The following LAMC2 variants were observed in gnomAD, a reference collection of about 807,000 sequenced individuals.
The protein encoded by LAMC2 is laminin subunit gamma 2, also known as laminin subunit gamma-2.
Under a neutral mutation model 140.2 loss-of-function variants are expected in LAMC2, and 97 were observed. The observed-to-expected ratio is 0.69, with a 90% CI of 0.59 to 0.82. The LOEUF is 0.82. LAMC2 is among the 40% of genes least tolerant of loss of function. The pLI, the probability that LAMC2 is intolerant of heterozygous loss-of-function variation, is 0.00. For synonymous variants in LAMC2, 513 were observed against 540.2 expected, an observed-to-expected ratio of 0.95 and a Z score of 0.70; for missense variants, 1,402 against 1,476.1, an observed-to-expected ratio of 0.95 and a Z score of 0.82.
chr1:183,238,285 T>C, intron 18 of LAMC2, 22 bp from the exon 19 acceptor site: 1 of 1,569,114 alleles, frequency 6.4e-7, no homozygotes, highest in Non-Finnish European at 8.8e-7. Context: ...CCTCTAATCT[T>C]GTTCTATCTG....
intron 22 of LAMC2, among the ~76,000 whole-genome samples, 158 bp from the exon 23 acceptor site, chr1:183,242,989 T>C (rs553727872): frequency 6.6e-6 from 1 of 152,194 alleles, no homozygotes; most frequent in East Asian, 1.9e-4. Flanking sequence ...TCTTTCTAGG[T>C]GATTTCTAAT....
intron 1 of LAMC2, among the ~76,000 whole-genome samples, chr1:183,200,555 T>C (rs661451): frequency 0.37 from 56,941 of 151,988 alleles, 10,752 homozygotes; most frequent in Middle Eastern, 0.45. Flanking sequence ...GATGATTATT[T>C]CAAGGCCTTG....
rs1659776579 is a variant in LAMC2, at chr1:183,230,824, T to G, written c.1715-137T>G. On this transcript the variant is annotated intron_variant, in intron 11 of 22. Transcript: ENST00000264144. The stretch of plus-strand genomic sequence containing the variant: ...CCTGCCACATGATTCCTAAGACCTA[T>G]CTGTATTAAGAAGGTGCATGGAGGT... The G allele has an allele frequency of 5.2e-6, 5 of 966,188 alleles. No individual in the cohort carries two copies. The South Asian group carries it at 7.1e-5, about 14-fold the overall frequency. The allele number at this position is 966,188 out of a possible 1,614,324, so 59.9% of individuals were successfully genotyped here.
At chr1:183,238,464 A>G (rs1185470537) in intron 19 of LAMC2, 43 bp downstream of exon 19, 2 of 1,333,044 alleles carry the variant, frequency 1.5e-6, no homozygotes, top group East Asian at 2.3e-5. Flanking sequence ...TTTTAAGTGT[A>G]TAGTCATGAC....
intron 1 of LAMC2, 25 bp from the exon 2 acceptor site, chr1:183,207,856 T>A: frequency 2.1e-6 from 3 of 1,442,010 alleles, no homozygotes; most frequent in Non-Finnish European, 2.9e-6. Context: ...TTTTTGACGA[T>A]CTCTTTTGTA....
the LAMC2 span, chr1:183,252,810 C>G: frequency 1.8e-6 from 2 of 1,110,740 alleles, no homozygotes; most frequent in Non-Finnish European, 2.8e-6. Context: ...GACTGGCATG[C>G]CCCTGTCTCC....
At chr1:183,218,650 C>T (rs1020684251) in intron 4 of LAMC2, among the ~76,000 whole-genome samples, 162 bp downstream of exon 4, 86 of 152,316 alleles carry the variant, frequency 5.6e-4, no homozygotes, top group African/African-American at 2.0e-3. Flanking sequence ...ACAACAACAA[C>T]AGCAAAAACA....
At chr1:183,233,802 T>A (rs1026035461) in intron 14 of LAMC2, among the ~76,000 whole-genome samples, 1 of 152,184 alleles carries the variant, frequency 6.6e-6, no homozygotes, top group African/African-American at 2.4e-5. Flanking sequence ...GATTTTTTTA[T>A]GTATATATAT....
intron 1 of LAMC2, among the ~76,000 whole-genome samples, chr1:183,196,422 C>T (rs953837160): frequency 3.9e-5 from 6 of 152,192 alleles, no homozygotes; most frequent in African/African-American, 1.4e-4. Flanking sequence ...CAGGCATGAG[C>T]CACTGTGCCT....
chr1:183,235,520 CT>C (rs2102244870), intron 15 of LAMC2, 54 bp from the exon 16 acceptor site: 1 of 1,604,518 alleles, frequency 6.2e-7, no homozygotes, highest in African/African-American at 1.3e-5. Flanking sequence ...ACTGAACAAC[CT>C]AAAGGAAGCC....
chr1:183,194,384 C>T (rs1037914484), intron 1 of LAMC2, among the ~76,000 whole-genome samples: 1 of 151,990 alleles, frequency 6.6e-6, no homozygotes, highest in Non-Finnish European at 1.5e-5. Flanking sequence ...TATGTAAGCC[C>T]ACACACATAC....
chr1:183,228,714 T>C lies in LAMC2; in HGVS notation c.1714+95T>C. The C allele has an allele frequency of 3.9e-6, 6 of 1,531,428 alleles. No individual in the cohort carries two copies. In the South Asian group the frequency reaches 6.7e-5, roughly 17 times the overall value. 94.9% of individuals were successfully genotyped at this position (1,531,428 alleles called of 1,614,324 possible). On this transcript the variant is annotated intron_variant, in intron 11 of 22. Coordinates refer to ENST00000264144, the MANE Select transcript of LAMC2 (RefSeq NM_005562.3). The surrounding 1 kb of genome is among the most constrained non-coding windows in gnomAD (Gnocchi z 4.3). The stretch of plus-strand genomic sequence containing the variant: ...GCAGGGACAATGGCAGTTCATATCA[T>C]GATGTTACTTTGATTCTCTGACCAA...
At position 183,223,124 on chromosome 1, in the gene LAMC2, CTG is replaced by C; in HGVS notation, c.764-9_764-8del. The stretch of plus-strand genomic sequence containing the variant: ...CAACTGATCTCAATCTTTTAAAACT[CTG>C]TTTCACAGCCAAATTTCTTGGGAAT... On this transcript the variant is annotated splice_polypyrimidine_tract_variant and intron_variant, in intron 6 of 22. Transcript: ENST00000264144. The C allele has an allele frequency of 6.2e-7, 1 of 1,613,744 alleles. No homozygotes were observed. The highest frequency in any genetic ancestry group is 8.5e-7 in the Non-Finnish European group (1 of 1,179,774).
the LAMC2 span, among the ~76,000 whole-genome samples, chr1:183,257,597 C>G: frequency 5.5e-4 from 83 of 152,218 alleles, 1 homozygote; most frequent in South Asian, 3.3e-3. Context: ...TTCAATCTTG[C>G]CAGATTATCT....
intron 2 of LAMC2, among the ~76,000 whole-genome samples, chr1:183,209,864 T>C (rs1659019524): frequency 6.6e-6 from 1 of 152,166 alleles, no homozygotes. Context: ...GTCTACTGCT[T>C]GCCCAGTGGT....
downstream of LAMC2, chr1:183,248,463 C>T (rs934762402): frequency 6.6e-6 from 1 of 152,580 alleles, no homozygotes; most frequent in Non-Finnish European, 1.5e-5. Flanking sequence ...TCCCCCTCCT[C>T]ATGCCAACCC....
At chr1:183,232,536 C>A in intron 13 of LAMC2, 116 bp from the exon 14 acceptor site, 1 of 1,098,880 alleles carries the variant, frequency 9.1e-7, no homozygotes, top group African/African-American at 1.5e-5. Context: ...TGGTTGGATG[C>A]ATTTCTCTAT....
downstream of LAMC2, among the ~76,000 whole-genome samples, chr1:183,247,529 C>CA (rs371988499): frequency 0.18 from 19,223 of 105,864 alleles, 2,165 homozygotes; most frequent in African/African-American, 0.36. Flanking sequence ...AATTTTAAGC[C>CA]AAAAAAAAAA....
intron 1 of LAMC2, among the ~76,000 whole-genome samples, chr1:183,202,817 T>G (rs1658758615): frequency 6.6e-6 from 1 of 152,204 alleles, no homozygotes; most frequent in Admixed American, 6.5e-5. Context: ...GCATGTAAAC[T>G]CCGTGAGGGC....
Sources: allele counts gnomAD v4.1 joint callset (sites outside exome capture counted in the v4.1 genomes callset), GRCh38; gene constraint gnomAD v4.1.1; non-coding constraint Gnocchi (gnomAD v3.1); transcripts MANE v1.5; gene names NCBI Gene and HGNC (gene_info 2026-07-23, HGNC 2026-07-21).